Variants in LOC128462377 observed in about 807,000 individuals in gnomAD.
chr16:89,400,820 C>T, the LOC128462377 span, among the ~76,000 whole-genome samples: 2 of 150,784 alleles, frequency 1.3e-5, no homozygotes, highest in Admixed American at 1.3e-4. Flanking sequence ...GGCTTCCCTG[C>T]GCTGGAGGCT....
the LOC128462377 span, chr16:89,392,759 C>T: frequency 4.0e-5 from 6 of 148,808 alleles, no homozygotes; most frequent in Admixed American, 3.4e-4. Flanking sequence ...AGAACCTGCA[C>T]TTAAGCAAAC....
the LOC128462377 span, among the ~76,000 whole-genome samples, chr16:89,344,608 G>C: frequency 6.6e-6 from 1 of 152,238 alleles, no homozygotes; most frequent in Non-Finnish European, 1.5e-5. Flanking sequence ...CAAGCGTCCG[G>C]GAGGACACTC....
the LOC128462377 span, chr16:89,324,245 T>TAGC: frequency 3.3e-6 from 4 of 1,208,908 alleles, no homozygotes; most frequent in Admixed American, 1.3e-4. Flanking sequence ...GACACATGCT[T>TAGC]GGTCACTGGG....
At chr16:89,366,250 A>T in the LOC128462377 span, among the ~76,000 whole-genome samples, 1 of 151,786 alleles carries the variant, frequency 6.6e-6, no homozygotes, top group Non-Finnish European at 1.5e-5. Flanking sequence ...GCTCATGTGG[A>T]TTCCATGTCT....
chr16:89,407,668 T>TAC, the LOC128462377 span, among the ~76,000 whole-genome samples: 8,759 of 150,768 alleles, frequency 0.058, 408 homozygotes, highest in African/African-American at 0.13. Flanking sequence ...CAAACACACA[T>TAC]ACACACACAC....
At chr16:89,369,086 G>C in the LOC128462377 span, among the ~76,000 whole-genome samples, 1 of 152,044 alleles carries the variant, frequency 6.6e-6, no homozygotes, top group Non-Finnish European at 1.5e-5. Flanking sequence ...GCCCTACAAT[G>C]ATCACATCAC....
the LOC128462377 span, among the ~76,000 whole-genome samples, chr16:89,346,848 C>T: frequency 6.6e-6 from 1 of 152,158 alleles, no homozygotes; most frequent in Non-Finnish European, 1.5e-5. Flanking sequence ...AATGTACAAA[C>T]ATAAACGAAA....
At chr16:89,351,033 G>A in the LOC128462377 span, among the ~76,000 whole-genome samples, 2 of 152,148 alleles carry the variant, frequency 1.3e-5, no homozygotes, top group Admixed American at 6.5e-5. Context: ...ACCTAACAAC[G>A]CATTTCTCAG....
At chr16:89,341,307 CG>C in the LOC128462377 span, among the ~76,000 whole-genome samples, 1 of 152,036 alleles carries the variant, frequency 6.6e-6, no homozygotes, top group Non-Finnish European at 1.5e-5. Flanking sequence ...CAGGATTTTT[CG>C]TTTTAAATTA....
chr16:89,396,233 A>G, the LOC128462377 span, among the ~76,000 whole-genome samples: 1 of 152,240 alleles, frequency 6.6e-6, no homozygotes, highest in Non-Finnish European at 1.5e-5. Flanking sequence ...TTTCTGATGT[A>G]GTAAAATCAA....
chr16:89,399,689 C>T, the LOC128462377 span, among the ~76,000 whole-genome samples: 2 of 152,112 alleles, frequency 1.3e-5, no homozygotes, highest in East Asian at 3.8e-4. Context: ...CCAGGGCGGT[C>T]GCGACTATAA....
the LOC128462377 span, chr16:89,317,180 C>A: frequency 1.2e-6 from 1 of 863,776 alleles, no homozygotes; most frequent in Non-Finnish European, 1.9e-6. Context: ...TCAAGGCAGG[C>A]AGCTGCTCTG....
the LOC128462377 span, among the ~76,000 whole-genome samples, chr16:89,334,174 CAGAG>C: frequency 1.3e-4 from 10 of 74,776 alleles, no homozygotes; most frequent in Middle Eastern, 0.012. Flanking sequence ...AAAAAAAAAA[CAGAG>C]AGAGAGAGAA....
chr16:89,395,461 A>G, the LOC128462377 span, among the ~76,000 whole-genome samples: 11 of 152,266 alleles, frequency 7.2e-5, no homozygotes, highest in Non-Finnish European at 1.2e-4. Flanking sequence ...CACGGCTGGG[A>G]CACGTGCTGC....
At chr16:89,413,947 A>G in the LOC128462377 span, among the ~76,000 whole-genome samples, 4 of 152,084 alleles carry the variant, frequency 2.6e-5, no homozygotes, top group African/African-American at 4.8e-5. Flanking sequence ...CCACCCAGAC[A>G]GGGACCCCAG....
chr16:89,397,036 T>A, the LOC128462377 span, among the ~76,000 whole-genome samples: 19 of 152,026 alleles, frequency 1.2e-4, no homozygotes, highest in Admixed American at 5.9e-4. Flanking sequence ...TTTTTTTTTT[T>A]AAAGAATGTG....
chr16:89,376,954 A>G, the LOC128462377 span, among the ~76,000 whole-genome samples: 4,141 of 152,326 alleles, frequency 0.027, 190 homozygotes, highest in African/African-American at 0.094. Flanking sequence ...AAGGGAAAAG[A>G]TAAACACCAG....
the LOC128462377 span, among the ~76,000 whole-genome samples, chr16:89,391,215 G>A: frequency 1.6e-4 from 22 of 141,668 alleles, 1 homozygote; most frequent in East Asian, 2.1e-3. Flanking sequence ...GCGACAGAGC[G>A]AGACTCTGTC....
chr16:89,405,777 C>T, the LOC128462377 span, among the ~76,000 whole-genome samples: 49 of 152,206 alleles, frequency 3.2e-4, no homozygotes, highest in East Asian at 8.1e-3. Flanking sequence ...GCTTAGGGGT[C>T]AAATTCCTCA....
Sources: gnomAD v4.1 joint callset for allele counts (sites outside exome capture counted in the v4.1 genomes callset) on GRCh38, gnomAD v4.1.1 for gene constraint, MANE v1.5 for transcripts.